The following PEX5L variants were observed in gnomAD, a reference collection of about 807,000 sequenced individuals.
PEX5L encodes PEX5-related protein.
A neutral mutation model predicts 84.0 loss-of-function variants in PEX5L; 30 were observed. That is an observed-to-expected ratio of 0.36 (90% CI 0.27 to 0.48). The LOEUF (loss-of-function observed/expected upper bound fraction) is 0.48. Ranked by LOEUF, PEX5L falls within the 20% of genes least tolerant of loss-of-function variation. The pLI, the probability that PEX5L is intolerant of heterozygous loss-of-function variation, is 0.99. For missense variants in PEX5L, 533 were observed against 754.6 expected (o/e 0.71, Z 3.44); for synonymous variants, 270 against 283.1 (o/e 0.95, Z 0.46).
intron 1 of PEX5L, among the ~76,000 whole-genome samples, chr3:180,029,053 C>T (rs1173289414): frequency 2.6e-5 from 4 of 152,118 alleles, no homozygotes; most frequent in Non-Finnish European, 5.9e-5. Flanking sequence ...AGCAGTGTGT[C>T]TTGTTTGGAG....
intron 2 of PEX5L, among the ~76,000 whole-genome samples, chr3:179,904,410 G>T (rs1762437857): frequency 6.6e-6 from 1 of 152,176 alleles, no homozygotes; most frequent in African/African-American, 2.4e-5. Flanking sequence ...AAGGGAGCAG[G>T]TGGGAGAAAG....
intron 2 of PEX5L, among the ~76,000 whole-genome samples, chr3:179,966,505 T>G (rs142284544): frequency 6.6e-6 from 1 of 152,292 alleles, no homozygotes; most frequent in Non-Finnish European, 1.5e-5. Context: ...CCCTCATCCT[T>G]TTTACTATTT....
At chr3:179,945,584 G>T (rs1465091237) in intron 2 of PEX5L, among the ~76,000 whole-genome samples, 1 of 152,186 alleles carries the variant, frequency 6.6e-6, no homozygotes, top group Non-Finnish European at 1.5e-5. Flanking sequence ...GGGAGGTTTT[G>T]TATCTGAACA....
Position 179,968,725 on chromosome 3 carries a change from G to GTC in PEX5L, c.93+2868_93+2869insGA, listed in dbSNP as rs1468014678. ...TGTGTGTGTGTGTGTGTGTGTGTCT[G>GTC]TGTGTGTCTGTGTGTCTGTGTATCA... On this transcript the variant is annotated intron_variant, in intron 2 of 14. Coordinates refer to ENST00000467460, the MANE Select transcript of PEX5L (RefSeq NM_016559.3). Among the ~76,000 whole-genome samples, 302 of 135,788 alleles carry GTC rather than the reference G, an allele frequency of 2.2e-3. 2 individuals carry two copies. Among genetic ancestry groups the GTC allele is most frequent in the South Asian group, 0.011 (48 of 4,312 alleles). The allele number at this position is 135,788 out of a possible 152,430, so 89.1% of individuals were successfully genotyped here.
chr3:179,842,547 G>C (rs778453315), intron 8 of PEX5L, among the ~76,000 whole-genome samples: 7 of 151,942 alleles, frequency 4.6e-5, no homozygotes, highest in Non-Finnish European at 1.0e-4. Flanking sequence ...TTTATAAATA[G>C]AACAGTATGT....
chr3:179,977,668 A>T (rs1785939401), intron 1 of PEX5L, among the ~76,000 whole-genome samples: 1 of 152,190 alleles, frequency 6.6e-6, no homozygotes, highest in South Asian at 2.1e-4. Flanking sequence ...GCTCAAATAG[A>T]CCTTTTGAAT....
chr3:179,951,458 A>G (rs1472623089), intron 2 of PEX5L, among the ~76,000 whole-genome samples: 1 of 151,530 alleles, frequency 6.6e-6, no homozygotes, highest in East Asian at 1.9e-4. Context: ...TTCTACAAAG[A>G]CTCCTTAAAA....
intron 2 of PEX5L, among the ~76,000 whole-genome samples, chr3:179,929,702 T>C (rs1429915327): frequency 1.3e-5 from 2 of 152,200 alleles, no homozygotes; most frequent in African/African-American, 4.8e-5. Flanking sequence ...CTAATGCCCC[T>C]GCCCCTGCCT....
chr3:179,888,030 C>A lies in PEX5L; in HGVS notation c.199-246G>T, dbSNP rs528021255. 33 of 874,782 alleles carry A rather than the reference C, an allele frequency of 3.8e-5. 1 individual carries two copies. The highest frequency in any genetic ancestry group is 1.4e-4 in the South Asian group (10 of 70,090). 54.2% of individuals were successfully genotyped at this position (874,782 alleles called of 1,614,324 possible). The stretch of plus-strand genomic sequence containing the variant: ...TTTAAAGCTCAAGCCTTTCCTCCCC[C>A]CTCCTGAAATATGATTATTCTCTAA... On this transcript the variant is annotated intron_variant, in intron 3 of 14. Transcript: ENST00000467460.
intron 2 of PEX5L, among the ~76,000 whole-genome samples, chr3:179,934,976 G>A (rs936577693): frequency 6.6e-6 from 1 of 151,770 alleles, no homozygotes; most frequent in East Asian, 1.9e-4. Flanking sequence ...ACCTGATTTT[G>A]GCAGAAATAA....
At chr3:179,902,218 T>C (rs1258346858) in intron 2 of PEX5L, 4 of 154,660 alleles carry the variant, frequency 2.6e-5, no homozygotes, top group Non-Finnish European at 4.3e-5. Context: ...TTCAAAGCCA[T>C]TCTGTGGCCG....
Position 179,798,921 on chromosome 3 carries a change from A to ACTT in PEX5L, c.*2904_*2906dup. 1 of 151,948 alleles carries ACTT rather than the reference A, an allele frequency of 6.6e-6. No individual in the cohort carries two copies. The highest frequency in any genetic ancestry group is 1.9e-4 in the East Asian group (1 of 5,164). 9.4% of individuals were successfully genotyped at this position (151,948 alleles called of 1,614,324 possible). On this transcript the variant is annotated 3_prime_UTR_variant, in exon 15 of 15. Transcript: ENST00000467460. Reference sequence around the variant, plus strand: ...TGGTGCTCTATTCCTATAAACTGTCACTTTTTTGTTTTTTTTGAGACGGAG... The same window carrying ACTT: ...TGGTGCTCTATTCCTATAAACTGTCACTTCTTTTTTGTTTTTTTTGAGACGGAG...
chr3:179,842,779 G>T (rs1439076790), intron 8 of PEX5L, among the ~76,000 whole-genome samples: 1 of 152,106 alleles, frequency 6.6e-6, no homozygotes, highest in Non-Finnish European at 1.5e-5. Context: ...AACTTCACAG[G>T]ACATAGATTA....
At chr3:179,993,659 C>CCGGCTAA (rs1348917497) in intron 1 of PEX5L, among the ~76,000 whole-genome samples, 1 of 151,982 alleles carries the variant, frequency 6.6e-6, no homozygotes, top group Non-Finnish European at 1.5e-5. Flanking sequence ...ACCACCACAC[C>CCGGCTAA]CGGCTAATTT....
intron 2 of PEX5L, among the ~76,000 whole-genome samples, chr3:179,901,099 G>T (rs1761171624): frequency 6.6e-6 from 1 of 152,152 alleles, no homozygotes; most frequent in Admixed American, 6.6e-5. Flanking sequence ...GCAATTCATG[G>T]AACTTTACAA....
At chr3:180,029,370 C>T (rs1352457436) in intron 1 of PEX5L, among the ~76,000 whole-genome samples, 1 of 151,482 alleles carries the variant, frequency 6.6e-6, no homozygotes, top group Non-Finnish European at 1.5e-5. Flanking sequence ...CTATTATGTC[C>T]CCACTCCCTT....
chr3:179,960,851 TG>T (rs1363110364), intron 2 of PEX5L, among the ~76,000 whole-genome samples: 7 of 152,206 alleles, frequency 4.6e-5, no homozygotes, highest in Admixed American at 3.9e-4. Context: ...GTGTCAATTT[TG>T]GGGACACATT....
chr3:179,818,381 C>A (rs1727002403), intron 9 of PEX5L, among the ~76,000 whole-genome samples: 1 of 151,874 alleles, frequency 6.6e-6, no homozygotes, highest in African/African-American at 2.4e-5. Flanking sequence ...ATGTGTGTAA[C>A]AGTCACATCA....
chr3:179,961,224 T>C (rs1440943836), intron 2 of PEX5L, among the ~76,000 whole-genome samples: 1 of 151,924 alleles, frequency 6.6e-6, no homozygotes, highest in African/African-American at 2.4e-5. Flanking sequence ...TGTGTGTGTG[T>C]GTGTGTTTCC....
Sources: allele counts gnomAD v4.1 joint callset (sites outside exome capture counted in the v4.1 genomes callset), GRCh38; gene constraint gnomAD v4.1.1; transcripts MANE v1.5; gene names NCBI Gene and HGNC (gene_info 2026-07-23, HGNC 2026-07-21).